The following FKBP5 variants were observed in gnomAD, a reference collection of about 807,000 sequenced individuals.
The protein encoded by FKBP5 is FKBP prolyl isomerase 5.
FKBP5 carries 23 observed loss-of-function variants against 50.5 expected under a neutral mutation model. That is an observed-to-expected ratio of 0.46 (90% CI 0.33 to 0.65). FKBP5 has a LOEUF of 0.65. Among genes scored for constraint, FKBP5 ranks in the 30% least tolerant of loss-of-function variants. FKBP5 has a pLI of 0.02. For missense variants in FKBP5, 411 were observed against 553.1 expected, an observed-to-expected ratio of 0.74 and a Z score of 2.58; for synonymous variants, 176 against 190.6, an observed-to-expected ratio of 0.92 and a Z score of 0.63.
chr6:35,671,583 G>A (rs1228804159), intron 1 of FKBP5, among the ~76,000 whole-genome samples: 1 of 151,850 alleles, frequency 6.6e-6, no homozygotes, highest in Non-Finnish European at 1.5e-5. Flanking sequence ...TCTCTCTCAA[G>A]GTATCAGAAT....
intron 10 of FKBP5, among the ~76,000 whole-genome samples, chr6:35,576,627 C>T (rs1021592592): frequency 7.0e-5 from 10 of 143,576 alleles, no homozygotes; most frequent in East Asian, 4.1e-4. Flanking sequence ...CATGTTAGCA[C>T]GACTGCATTA....
At chr6:35,705,258 A>ATTTTT (rs199875825) in intron 2 of FKBP5, among the ~76,000 whole-genome samples, 1 of 7,766 alleles carries the variant, frequency 1.3e-4, no homozygotes, top group East Asian at 5.1e-3. Flanking sequence ...ATATATATAT[A>ATTTTT]TTTTTTTTTT....
At chr6:35,651,547 CT>C (rs1228704727) in intron 1 of FKBP5, among the ~76,000 whole-genome samples, 1 of 152,130 alleles carries the variant, frequency 6.6e-6, no homozygotes, top group Non-Finnish European at 1.5e-5. Flanking sequence ...TCATCAGATT[CT>C]ACACAATAAT....
At chr6:35,592,466 G>A (rs1211361250) in intron 6 of FKBP5, among the ~76,000 whole-genome samples, 1 of 148,740 alleles carries the variant, frequency 6.7e-6, no homozygotes, top group Non-Finnish European at 1.5e-5. Context: ...CTTCCACAAA[G>A]ACATAATTAC....
intron 6 of FKBP5, among the ~76,000 whole-genome samples, chr6:35,593,043 G>T (rs1256883426): frequency 6.6e-6 from 1 of 152,176 alleles, no homozygotes; most frequent in Non-Finnish European, 1.5e-5. Flanking sequence ...AAAATGAAGC[G>T]ATTCAGTCAA....
At chr6:35,638,441 G>T (rs944927453) in intron 2 of FKBP5, among the ~76,000 whole-genome samples, 1 of 152,014 alleles carries the variant, frequency 6.6e-6, no homozygotes, top group Non-Finnish European at 1.5e-5. Context: ...TTGAGACAGG[G>T]TCTTGCTCTT....
chr6:35,625,478 T>C (rs1763966675), intron 3 of FKBP5, among the ~76,000 whole-genome samples: 1 of 151,654 alleles, frequency 6.6e-6, no homozygotes, highest in South Asian at 2.1e-4. Flanking sequence ...GGCTCACGCC[T>C]GTAATCTCAG....
chr6:35,673,230 A>T (rs1489601694), intron 1 of FKBP5, among the ~76,000 whole-genome samples: 1 of 152,170 alleles, frequency 6.6e-6, no homozygotes, highest in Non-Finnish European at 1.5e-5. Context: ...ACATACCATT[A>T]TGTGTTGTGT....
At chr6:35,576,750 A>G (rs918435070) in intron 10 of FKBP5, among the ~76,000 whole-genome samples, 1 of 152,160 alleles carries the variant, frequency 6.6e-6, no homozygotes, top group African/African-American at 2.4e-5. Flanking sequence ...AAAAACCACA[A>G]TTACTTTTGA....
intron 5 of FKBP5, among the ~76,000 whole-genome samples, chr6:35,598,537 C>A (rs1295927618): frequency 6.6e-6 from 1 of 151,944 alleles, no homozygotes; most frequent in Non-Finnish European, 1.5e-5. Flanking sequence ...CTCTTTATTT[C>A]TAGGAAAAAC....
intron 1 of FKBP5, among the ~76,000 whole-genome samples, chr6:35,650,038 G>A (rs1764751365): frequency 6.6e-6 from 1 of 152,212 alleles, no homozygotes; most frequent in South Asian, 2.1e-4. Context: ...CAACTAAATT[G>A]GGAAACTATT....
chr6:35,611,420 C>T (rs1246133398), intron 5 of FKBP5, among the ~76,000 whole-genome samples: 1 of 152,124 alleles, frequency 6.6e-6, no homozygotes, highest in Non-Finnish European at 1.5e-5. Context: ...TACTGAGAGG[C>T]GAGAGAACCA....
intron 10 of FKBP5, 119 bp from the exon 11 acceptor site, chr6:35,576,061 T>C: frequency 1.3e-6 from 1 of 762,384 alleles, no homozygotes; most frequent in Non-Finnish European, 2.3e-6. Context: ...TTCTCTAGGA[T>C]ATCTAGCTGG....
intron 6 of FKBP5, among the ~76,000 whole-genome samples, chr6:35,594,029 G>A (rs2150962371): frequency 6.6e-6 from 1 of 152,266 alleles, no homozygotes; most frequent in East Asian, 1.9e-4. Context: ...AAAATGGATT[G>A]TCTGGAAATG....
intron 5 of FKBP5, among the ~76,000 whole-genome samples, chr6:35,615,155 TACACACACACACAC>T (rs34301531): frequency 2.8e-5 from 4 of 143,444 alleles, no homozygotes; most frequent in South Asian, 2.3e-4. Context: ...CAACAACAAC[TACACACACACACAC>T]ACACACACAC....
intron 1 of FKBP5, among the ~76,000 whole-genome samples, chr6:35,681,791 C>T (rs544975692): frequency 2.1e-4 from 32 of 152,024 alleles, no homozygotes; most frequent in Non-Finnish European, 3.7e-4. Context: ...CCATATATAC[C>T]ATTATATATA....
intron 2 of FKBP5, among the ~76,000 whole-genome samples, chr6:35,698,972 C>T (rs1358107789): frequency 2.6e-5 from 4 of 152,184 alleles, no homozygotes; most frequent in Non-Finnish European, 5.9e-5. Flanking sequence ...GATTACAATT[C>T]GACATGAGAT....
In FKBP5 at chr6:35,629,620, T is replaced by G. The variant is rs186855997; in HGVS notation, c.250+7394A>C. ...GACTAAATTGTTACATACTTGAAGG[T>G]AGGGGTCATGTTTTAATTACTCTTT... On this transcript the variant is annotated intron_variant, in intron 3 of 10. Coordinates refer to ENST00000357266, the MANE Select transcript of FKBP5 (RefSeq NM_004117.4). Among the ~76,000 whole-genome samples the G allele has an allele frequency of 7.9e-5, 12 of 152,190 alleles. No individual in the cohort carries two copies. In the East Asian group the frequency reaches 2.3e-3, roughly 29 times the overall value.
At chr6:35,616,532 G>C (rs1171669422) in intron 5 of FKBP5, among the ~76,000 whole-genome samples, 1 of 151,780 alleles carries the variant, frequency 6.6e-6, no homozygotes, top group Non-Finnish European at 1.5e-5. Flanking sequence ...AGCATATAAG[G>C]GAACGCGCTA....
Sources: allele counts gnomAD v4.1 joint callset (sites outside exome capture counted in the v4.1 genomes callset), GRCh38; gene constraint gnomAD v4.1.1; transcripts MANE v1.5; gene names NCBI Gene and HGNC (gene_info 2026-07-23, HGNC 2026-07-21).